The following ZNF71 variants were observed in gnomAD, a reference collection of about 807,000 sequenced individuals.
The protein encoded by ZNF71 is endothelial zinc finger protein induced by tumor necrosis factor alpha.
Under a neutral mutation model 6.7 loss-of-function variants are expected in ZNF71, and 3 were observed. That is an observed-to-expected ratio of 0.45 (90% CI 0.20 to 1.16). ZNF71 has a LOEUF of 1.16. Ranked by LOEUF, ZNF71 falls within the 50% of genes most tolerant of loss-of-function variation. The pLI is 0.25. For missense variants in ZNF71, 688 were observed against 728.6 expected, an observed-to-expected ratio of 0.94 and a Z score of 0.64; for synonymous variants, 343 against 311.1, an observed-to-expected ratio of 1.10 and a Z score of -1.08.
chr19:56,608,549 C>G (rs908514671), intron 2 of ZNF71, among the ~76,000 whole-genome samples: 4 of 152,102 alleles, frequency 2.6e-5, no homozygotes, highest in Admixed American at 1.3e-4. Context: ...CACCTTTTGG[C>G]GATTGTGAAT....
At chr19:56,612,923 G>A (rs1176435595) in intron 2 of ZNF71, among the ~76,000 whole-genome samples, 1 of 152,106 alleles carries the variant, frequency 6.6e-6, no homozygotes, top group African/African-American at 2.4e-5. Flanking sequence ...TCATGTTCTT[G>A]AGACCTTGAA....
rs1274578698 is a variant in ZNF71 at position 56,623,103 on chromosome 19, C to T, written c.*346C>T. The T allele has an allele frequency of 3.6e-6, 1 of 277,166 alleles. No individual in the cohort carries two copies. The highest frequency in any genetic ancestry group is 7.3e-6 in the Non-Finnish European group (1 of 137,436). The allele number at this position is 277,166 out of a possible 1,614,324, so 17.2% of individuals were successfully genotyped here. ...GCCTGCCTCCACATCTCTGTTTCTT[C>T]AGCGGGAAAGTGGAGCTGGTGGAGG... On this transcript the variant is annotated 3_prime_UTR_variant, in exon 4 of 4. Transcript: ENST00000599599.
chr19:56,621,617 C>A lies in ZNF71; in HGVS notation c.510C>A (p.Asn170Lys), dbSNP rs1179984303. The change falls in exon 4 of 4, where the codon AAC becomes AAA. Residue 170 changes from asparagine to lysine, a missense_variant. Physicochemically the swap from Asn to Lys is moderately conservative, Grantham distance 94. Transcript: ENST00000599599. ...GTCCACCCGTAAGGCGTGGCAAGAACTTCTCCAGCACTTCAGACCTCAGTA... is the reference window on the plus strand; with the variant it reads ...GTCCACCCGTAAGGCGTGGCAAGAAATTCTCCAGCACTTCAGACCTCAGTA... ...GACPPVRRGKNFSSTSDLSKP... is the reference protein window; with the variant it reads ...GACPPVRRGKKFSSTSDLSKP... The A allele has an allele frequency of 6.2e-7, 1 of 1,614,222 alleles. No individual in the cohort carries two copies. Among genetic ancestry groups the A allele is most frequent in the Non-Finnish European group, 8.5e-7 (1 of 1,180,024 alleles).
rs532388055 is a variant in ZNF71 at position 56,623,215 on chromosome 19, G to A, written c.*458G>A. On this transcript the variant is annotated 3_prime_UTR_variant, in exon 4 of 4. Coordinates refer to ENST00000599599, the MANE Select transcript of ZNF71 (RefSeq NM_001370215.1). ...CCATCTGCATTTTCTCCGTGGGTTG[G>A]GAGCGTGAGGGCCTTCCTATCCCTC... is the stretch of plus-strand genomic sequence containing the variant. 11 of 179,088 alleles carry A rather than the reference G, an allele frequency of 6.1e-5. No homozygotes were observed. The South Asian group carries it at 1.2e-3, about 19-fold the overall frequency. The allele number at this position is 179,088 out of a possible 1,614,324, so 11.1% of individuals were successfully genotyped here.
At chr19:56,607,421 A>T (rs1179850427) in intron 2 of ZNF71, among the ~76,000 whole-genome samples, 1 of 152,212 alleles carries the variant, frequency 6.6e-6, no homozygotes, top group Non-Finnish European at 1.5e-5. Context: ...TTTGTTGTAC[A>T]AACATTTATT....
At chr19:56,599,718 G>A (rs2044652740) in intron 1 of ZNF71, among the ~76,000 whole-genome samples, 1 of 148,500 alleles carries the variant, frequency 6.7e-6, no homozygotes, top group Non-Finnish European at 1.5e-5. Flanking sequence ...TTTTGAGATG[G>A]AGTCTCGCTC....
intron 3 of ZNF71, 100 bp from the exon 4 acceptor site, chr19:56,621,168 A>G: frequency 6.4e-6 from 8 of 1,243,510 alleles, no homozygotes; most frequent in South Asian, 1.6e-5. Flanking sequence ...CTTGGGCCTC[A>G]TTGGGGTCGG....
intron 2 of ZNF71, among the ~76,000 whole-genome samples, chr19:56,605,682 C>T (rs1314352726): frequency 2.0e-5 from 3 of 152,166 alleles, no homozygotes; most frequent in Non-Finnish European, 2.9e-5. Context: ...TAATGTGAGA[C>T]GTGCAGGCCT....
chr19:56,618,737 T>A lies in ZNF71; in HGVS notation c.161-2531T>A, dbSNP rs578047501. On this transcript the variant is annotated intron_variant, in intron 3 of 3. Transcript: ENST00000599599. This position sits in a 1 kb window ranked among gnomAD's most constrained non-coding sequence, Gnocchi z 4.6. The stretch of plus-strand genomic sequence containing the variant: ...GAACACACGGACAAGAGGGAGAGCA[T>A]GGTGATGAGAAACTGGGAGGGAGGG... Among the ~76,000 whole-genome samples the A allele has an allele frequency of 9.8e-6, 1 of 102,204 alleles. No individual in the cohort carries two copies. Among genetic ancestry groups the A allele is most frequent in the East Asian group, 3.0e-4 (1 of 3,308 alleles). 67.0% of individuals were successfully genotyped at this position (102,204 alleles called of 152,430 possible).
chr19:56,596,751 G>C (rs1254705290), intron 1 of ZNF71, among the ~76,000 whole-genome samples: 2 of 152,146 alleles, frequency 1.3e-5, no homozygotes, highest in Non-Finnish European at 2.9e-5. Context: ...CTCACCCAAG[G>C]CTACCTCAGG....
At chr19:56,602,794 T>C (rs1264377718) in intron 2 of ZNF71, among the ~76,000 whole-genome samples, 1 of 152,238 alleles carries the variant, frequency 6.6e-6, no homozygotes, top group Middle Eastern at 3.2e-3. Context: ...TTTGTTTCTT[T>C]ATTTTACTTT....
chr19:56,615,420 T>G (rs1206092569), intron 3 of ZNF71, among the ~76,000 whole-genome samples: 7 of 152,218 alleles, frequency 4.6e-5, no homozygotes, highest in Non-Finnish European at 1.0e-4. Context: ...CTCATCACTG[T>G]GCTTTTCATT....
intron 2 of ZNF71, among the ~76,000 whole-genome samples, chr19:56,606,309 CA>C (rs2044709807): frequency 6.6e-6 from 1 of 152,164 alleles, no homozygotes; most frequent in African/African-American, 2.4e-5. Context: ...TTCCAGGAAC[CA>C]TCAATGAACA....
At chr19:56,620,442 C>T (rs571834491) in intron 3 of ZNF71, among the ~76,000 whole-genome samples, 9 of 152,164 alleles carry the variant, frequency 5.9e-5, no homozygotes, top group South Asian at 2.1e-4. Flanking sequence ...GAAAGTGGGT[C>T]GAAGGAGTAG....
chr19:56,606,483 C>A (rs1234162748), intron 2 of ZNF71, among the ~76,000 whole-genome samples: 1 of 152,128 alleles, frequency 6.6e-6, no homozygotes, highest in Non-Finnish European at 1.5e-5. Context: ...CATCTCAGAA[C>A]TTAATGGCTC....
At position 56,618,661 on chromosome 19, in the gene ZNF71, C is replaced by A. The variant is rs60824884; in HGVS notation, c.161-2607C>A. On this transcript the variant is annotated intron_variant, in intron 3 of 3. Coordinates refer to ENST00000599599, the MANE Select transcript of ZNF71 (RefSeq NM_001370215.1). This position sits in a 1 kb window ranked among gnomAD's most constrained non-coding sequence, Gnocchi z 4.6. ...GGGAAACAGGCCTGAAGGATAAGGA[C>A]GTCCACGGCAGGTCCACAGGACAGT... is the stretch of plus-strand genomic sequence containing the variant. 0.11 allele frequency among the ~76,000 whole-genome samples: 16,398 copies of A among 151,614 alleles called. 1,046 individuals carry two copies. The highest frequency in any genetic ancestry group is 0.16 in the African/African-American group (6,668 of 41,272).
At chr19:56,599,720 G>T (rs1352860244) in intron 1 of ZNF71, among the ~76,000 whole-genome samples, 2 of 146,572 alleles carry the variant, frequency 1.4e-5, no homozygotes, top group Non-Finnish European at 3.0e-5. Flanking sequence ...TTGAGATGGA[G>T]TCTCGCTCTG....
intron 1 of ZNF71, among the ~76,000 whole-genome samples, chr19:56,599,324 TC>T (rs2148003044): frequency 9.0e-6 from 1 of 110,880 alleles, no homozygotes; most frequent in East Asian, 6.2e-4. Flanking sequence ...TTGATTTGGC[TC>T]ACTGATTTTT....
intron 3 of ZNF71, among the ~76,000 whole-genome samples, chr19:56,616,740 C>T (rs969325849): frequency 1.4e-4 from 22 of 152,168 alleles, no homozygotes; most frequent in African/African-American, 5.3e-4. Context: ...CTCTATCTGC[C>T]TTGGTCTCTC....
Sources: allele counts gnomAD v4.1 joint callset (sites outside exome capture counted in the v4.1 genomes callset), GRCh38; gene constraint gnomAD v4.1.1; non-coding constraint Gnocchi (gnomAD v3.1); transcripts MANE v1.5; gene names NCBI Gene and HGNC (gene_info 2026-07-23, HGNC 2026-07-21).